Variants in FIG4 observed in about 807,000 individuals in gnomAD.
The protein encoded by FIG4 is polyphosphoinositide phosphatase.
FIG4 carries 112 observed loss-of-function variants against 118.6 expected under a neutral mutation model. That is an observed-to-expected ratio of 0.94 (90% CI 0.81 to 1.11). The LOEUF (loss-of-function observed/expected upper bound fraction) is 1.11, where lower values mean the gene tolerates loss of function less well. Ranked by LOEUF, FIG4 falls within the 50% of genes least tolerant of loss-of-function variation. The pLI, the probability that FIG4 is intolerant of heterozygous loss-of-function variation, is 0.00. For synonymous variants in FIG4, 369 were observed against 381.2 expected (o/e 0.97, Z 0.37); for missense variants, 969 against 1,111.7 (o/e 0.87, Z 1.83).
At chr6:109,815,659 A>G (rs911055059) in intron 22 of FIG4, among the ~76,000 whole-genome samples, 1 of 151,912 alleles carries the variant, frequency 6.6e-6, no homozygotes, top group African/African-American at 2.4e-5. Flanking sequence ...TTATGATCAC[A>G]TAAAGGCCAT....
intron 9 of FIG4, 122 bp downstream of exon 9, chr6:109,743,394 A>C: frequency 1.1e-6 from 1 of 906,130 alleles, no homozygotes; most frequent in Non-Finnish European, 1.8e-6. Flanking sequence ...GAAGGTAGAT[A>C]ATTTAGAAGA....
intron 3 of FIG4, among the ~76,000 whole-genome samples, chr6:109,717,890 A>G (rs1488490790): frequency 6.6e-6 from 1 of 152,226 alleles, no homozygotes; most frequent in Non-Finnish European, 1.5e-5. Context: ...CACTTAGGAA[A>G]TTATCTCTGT....
At chr6:109,818,480 A>C (rs9374126) in intron 22 of FIG4, among the ~76,000 whole-genome samples, 56,613 of 152,070 alleles carry the variant, frequency 0.37, 12,489 homozygotes, top group East Asian at 0.71. Flanking sequence ...GATTACAGGC[A>C]TGAGCCACCA....
At chr6:109,707,160 T>C (rs1466767896) in intron 1 of FIG4, among the ~76,000 whole-genome samples, 1 of 152,028 alleles carries the variant, frequency 6.6e-6, no homozygotes, top group African/African-American at 2.4e-5. Flanking sequence ...GATGTGGGAT[T>C]GAATTTCTTG....
intron 1 of FIG4, among the ~76,000 whole-genome samples, chr6:109,696,252 C>G (rs1774714713): frequency 1.3e-5 from 2 of 152,132 alleles, no homozygotes; most frequent in African/African-American, 2.4e-5. Flanking sequence ...GATCTGTTAT[C>G]CTTCCTAGTA....
intron 15 of FIG4, among the ~76,000 whole-genome samples, chr6:109,769,025 G>C (rs1365163468): frequency 6.6e-6 from 1 of 152,020 alleles, no homozygotes; most frequent in Non-Finnish European, 1.5e-5. Flanking sequence ...CATGAAAAAG[G>C]GCATCTGTTC....
chr6:109,732,306 G>C (rs1314087952), intron 4 of FIG4, among the ~76,000 whole-genome samples: 1 of 152,194 alleles, frequency 6.6e-6, no homozygotes, highest in Non-Finnish European at 1.5e-5. Context: ...CATCCTCAAA[G>C]CATTTGCAAA....
At chr6:109,796,936 T>C (rs1186075134) in intron 22 of FIG4, 85 bp downstream of exon 22, 1 of 840,794 alleles carries the variant, frequency 1.2e-6, no homozygotes, top group Non-Finnish European at 2.0e-6. Flanking sequence ...AAGAAAAAGA[T>C]TCACTCTTGT....
chr6:109,738,417 C>G lies in FIG4; in HGVS notation c.739C>G (p.Leu247Val). The part of the protein sequence containing the change: ...IIKSTVHRDW[L>V]LYIIHGFCGQ... ...TAAAAGTACTGTGCATCGTGACTGG[C>G]TTTTGTATATTATTCATGGGTTCTG... Residue 247 changes from leucine (L) to valine (V), a missense_variant, in exon 7 of 23, where the codon CTT becomes GTT. By Grantham distance (32) the Leu-to-Val change is conservative. This residue lies in a region of FIG4 where 393 missense variants were observed against 409.4 expected (regional missense o/e 0.96). Transcript: ENST00000230124. 3.7e-6 allele frequency: 6 copies of G among 1,612,692 alleles called. No homozygotes were observed. The highest frequency in any genetic ancestry group is 5.1e-6 in the Non-Finnish European group (6 of 1,179,010).
In FIG4 at chr6:109,694,537, T is replaced by C. The variant is rs562993261; in HGVS notation, c.66+3036T>C. 1.4e-4 allele frequency among the ~76,000 whole-genome samples: 22 copies of C among 152,304 alleles called. No individual in the cohort carries two copies. In the South Asian group the frequency reaches 4.6e-3, roughly 32 times the overall value. ...AGGATATTGGTCTAGGCAAAGATTT[T>C]ATGAGTAAGACTTTAAAAGCACAGG... is the stretch of plus-strand genomic sequence containing the variant. On this transcript the variant is annotated intron_variant, in intron 1 of 22. Coordinates refer to ENST00000230124, the MANE Select transcript of FIG4 (RefSeq NM_014845.6).
At position 109,760,313 on chromosome 6, in the gene FIG4, C is replaced by G; in HGVS notation, c.1201C>G (p.Leu401Val). The G allele has an allele frequency of 6.2e-7, 1 of 1,613,220 alleles. No homozygotes were observed. The highest frequency in any genetic ancestry group is 8.5e-7 in the Non-Finnish European group (1 of 1,179,186). The change falls in exon 11 of 23, where the codon CTC becomes GTC. Residue 401 changes from leucine to valine, a missense_variant. Physicochemically the swap from Leu to Val is conservative, Grantham distance 32 (BLOSUM62 1). Coordinates refer to ENST00000230124, the MANE Select transcript of FIG4 (RefSeq NM_014845.6). ...SEELVAAVTYLNQFLPPEHTI... is the reference protein window; with the variant it reads ...SEELVAAVTYVNQFLPPEHTI... Reference sequence around the variant, plus strand: ...AGAACTTGTTGCTGCTGTGACCTATCTCAACCAATTTTTGCCTCCTGAGCA... The same window carrying G: ...AGAACTTGTTGCTGCTGTGACCTATGTCAACCAATTTTTGCCTCCTGAGCA...
In FIG4 at chr6:109,792,666, T is replaced by C. The variant is rs1778169030; in HGVS notation, c.2459+2T>C. ...AGAAGATTTCTCCATTTATTCAAGGTGAGATACTTTCATGTAGATATTAAA... is the reference window on the plus strand; with the variant it reads ...AGAAGATTTCTCCATTTATTCAAGGCGAGATACTTTCATGTAGATATTAAA... On this transcript the variant is annotated splice_donor_variant, in intron 21 of 22. Transcript: ENST00000230124. LOFTEE classifies it high-confidence loss of function. 6.7e-7 allele frequency: 1 copy of C among 1,501,196 alleles called. No individual in the cohort carries two copies. Among genetic ancestry groups the C allele is most frequent in the Non-Finnish European group, 9.3e-7 (1 of 1,077,936 alleles). 93.0% of individuals were successfully genotyped at this position (1,501,196 alleles called of 1,614,324 possible).
At chr6:109,692,057 C>G (rs1367349289) in intron 1 of FIG4, among the ~76,000 whole-genome samples, 1 of 151,774 alleles carries the variant, frequency 6.6e-6, no homozygotes, top group Non-Finnish European at 1.5e-5. Flanking sequence ...TAACATCTTG[C>G]TTTTCACTTG....
At chr6:109,750,051 G>A (rs61222521) in intron 10 of FIG4, among the ~76,000 whole-genome samples, 1 of 152,192 alleles carries the variant, frequency 6.6e-6, no homozygotes, top group African/African-American at 2.4e-5. Flanking sequence ...ATACATGTGT[G>A]TATAGAATGA....
At chr6:109,768,309 A>G (rs1777345092) in intron 15 of FIG4, among the ~76,000 whole-genome samples, 1 of 152,188 alleles carries the variant, frequency 6.6e-6, no homozygotes. Flanking sequence ...GGGAATTGTA[A>G]GAGAGTCCCC....
intron 22 of FIG4, among the ~76,000 whole-genome samples, chr6:109,804,146 G>A (rs1048357711): frequency 2.0e-5 from 3 of 152,032 alleles, no homozygotes; most frequent in Admixed American, 2.0e-4. Context: ...AGGTTAATCT[G>A]GGGGAGCAGA....
chr6:109,705,325 G>A (rs139513757), intron 1 of FIG4, among the ~76,000 whole-genome samples: 483 of 152,306 alleles, frequency 3.2e-3, no homozygotes, highest in African/African-American at 0.011. Flanking sequence ...AAAGTGGATG[G>A]TCAGCTGCCC....
chr6:109,737,300 T>C (rs1331959895), intron 6 of FIG4, among the ~76,000 whole-genome samples: 2 of 152,158 alleles, frequency 1.3e-5, no homozygotes, highest in Admixed American at 1.3e-4. Flanking sequence ...TGTCAGGTAC[T>C]TTGCATATAC....
At chr6:109,756,694 C>T (rs1776915548) in intron 10 of FIG4, among the ~76,000 whole-genome samples, 1 of 152,118 alleles carries the variant, frequency 6.6e-6, no homozygotes, top group South Asian at 2.1e-4. Flanking sequence ...TTTCATCTTC[C>T]ATCACTGATA....
Sources: gnomAD v4.1 joint callset for allele counts (sites outside exome capture counted in the v4.1 genomes callset) on GRCh38, gnomAD v4.1.1 for gene constraint, gnomAD v4.1.1 regional missense constraint, MANE v1.5 for transcripts, NCBI Gene and HGNC (gene_info 2026-07-23, HGNC 2026-07-21) for gene names.